Variants in ST8SIA6 observed in about 807,000 individuals in gnomAD.
ST8SIA6 encodes ST8 alpha-N-acetyl-neuraminide alpha-2,8-sialyltransferase 6, also known as alpha-2,8-sialyltransferase 8F.
ST8SIA6 carries 39 observed loss-of-function variants against 33.6 expected under a neutral mutation model. That is an observed-to-expected ratio of 1.16 (90% CI 0.90 to 1.52). The LOEUF (loss-of-function observed/expected upper bound fraction) is 1.52, where lower values mean the gene tolerates loss of function less well. ST8SIA6 is among the 40% of genes most tolerant of loss of function. The pLI, the probability that ST8SIA6 is intolerant of heterozygous loss-of-function variation, is 0.00. For missense variants in ST8SIA6, 441 were observed against 443.8 expected (o/e 0.99, Z 0.06); for synonymous variants, 172 against 167.2 (o/e 1.03, Z -0.22).
chr10:17,388,009 A>G (rs1267076043), intron 3 of ST8SIA6, among the ~76,000 whole-genome samples: 1 of 152,218 alleles, frequency 6.6e-6, no homozygotes, highest in Non-Finnish European at 1.5e-5. Flanking sequence ...CTGGTAAAAC[A>G]TAATTTCTGG....
At chr10:17,381,599 A>G (rs998943152) in intron 3 of ST8SIA6, among the ~76,000 whole-genome samples, 7 of 152,236 alleles carry the variant, frequency 4.6e-5, no homozygotes, top group African/African-American at 1.4e-4. Context: ...AAGTAATATT[A>G]TAAGTGTCTT....
intron 4 of ST8SIA6, among the ~76,000 whole-genome samples, chr10:17,358,998 A>G (rs1849296765): frequency 6.6e-6 from 1 of 152,206 alleles, no homozygotes; most frequent in Non-Finnish European, 1.5e-5. Flanking sequence ...CTACAGCCCT[A>G]TAATGGTCAA....
chr10:17,343,328 T>C (rs899208985), intron 4 of ST8SIA6, among the ~76,000 whole-genome samples: 4 of 152,170 alleles, frequency 2.6e-5, no homozygotes, highest in African/African-American at 9.7e-5. Context: ...GAAAAATCAA[T>C]AGACGGTTGT....
intron 2 of ST8SIA6, among the ~76,000 whole-genome samples, chr10:17,438,563 G>T (rs1264425478): frequency 6.6e-6 from 1 of 151,972 alleles, no homozygotes; most frequent in Non-Finnish European, 1.5e-5. Context: ...ACACATTCAG[G>T]ACTCAAAGAC....
Position 17,318,680 on chromosome 10 carries a change from G to A in ST8SIA6, c.*2198C>T. The A allele has an allele frequency of 2.1e-6, 1 of 471,056 alleles. No individual in the cohort carries two copies. The highest frequency in any genetic ancestry group is 1.6e-5 in the South Asian group (1 of 64,516). The allele number at this position is 471,056 out of a possible 1,614,324, so 29.2% of individuals were successfully genotyped here. On this transcript the variant is annotated 3_prime_UTR_variant, in exon 8 of 8. Transcript: ENST00000377602. The stretch of plus-strand genomic sequence containing the variant: ...GAGTGTCACAGTCAGACTTGGTTGT[G>A]GCGAATCTACAAATCTACAAGATGG...
chr10:17,389,156 G>A (rs1850487630), intron 3 of ST8SIA6, among the ~76,000 whole-genome samples: 1 of 152,028 alleles, frequency 6.6e-6, no homozygotes, highest in South Asian at 2.1e-4. Flanking sequence ...ACTCCCCACT[G>A]CCCAAGCGCC....
intron 2 of ST8SIA6, among the ~76,000 whole-genome samples, chr10:17,393,772 CAGATTCAT>C (rs1470841907): frequency 1.3e-5 from 2 of 152,166 alleles, no homozygotes; most frequent in Non-Finnish European, 2.9e-5. Flanking sequence ...ATAAACAAGA[CAGATTCAT>C]AAGTAATTCT....
intron 4 of ST8SIA6, among the ~76,000 whole-genome samples, chr10:17,355,924 C>T (rs1849175734): frequency 1.3e-5 from 2 of 152,182 alleles, no homozygotes; most frequent in Admixed American, 1.3e-4. Flanking sequence ...CCAAATTGGT[C>T]TCACCCTCCC....
chr10:17,386,232 C>A (rs1037742933), intron 3 of ST8SIA6, among the ~76,000 whole-genome samples: 1 of 151,842 alleles, frequency 6.6e-6, no homozygotes, highest in Non-Finnish European at 1.5e-5. Flanking sequence ...TGGCTCGCAC[C>A]TGTAATCCCA....
intron 2 of ST8SIA6, among the ~76,000 whole-genome samples, chr10:17,450,277 G>A (rs1056270605): frequency 6.6e-6 from 1 of 152,184 alleles, no homozygotes; most frequent in Admixed American, 6.5e-5. Context: ...AGAGCCACAA[G>A]CTGCAGATCT....
chr10:17,452,273 A>G (rs1480422693), intron 2 of ST8SIA6, among the ~76,000 whole-genome samples: 3 of 152,220 alleles, frequency 2.0e-5, no homozygotes, highest in Admixed American at 6.5e-5. Context: ...TCCTCAATTC[A>G]GGGTTTATCC....
intron 4 of ST8SIA6, among the ~76,000 whole-genome samples, chr10:17,347,303 G>T (rs1235626612): frequency 6.6e-6 from 1 of 152,162 alleles, no homozygotes; most frequent in African/African-American, 2.4e-5. Flanking sequence ...TGAGACTTTA[G>T]CAAAAGTTTG....
rs183832552 is a variant in ST8SIA6, at chr10:17,428,166, T to C, written c.200+25393A>G. On this transcript the variant is annotated intron_variant, in intron 2 of 7. Transcript: ENST00000377602. Reference sequence around the variant, plus strand: ...GCCCATTTCTTTAAATGCTATCGCATAAAACCTGGAACATGTATTCCATAG... The same window carrying C: ...GCCCATTTCTTTAAATGCTATCGCACAAAACCTGGAACATGTATTCCATAG... Among the ~76,000 whole-genome samples, 5 of 152,330 alleles carry C rather than the reference T, an allele frequency of 3.3e-5. 1 individual carries two copies. Among genetic ancestry groups the C allele is most frequent in the African/African-American group, 1.2e-4 (5 of 41,572 alleles).
At chr10:17,453,898 C>A (rs1182945288) in intron 1 of ST8SIA6, among the ~76,000 whole-genome samples, 2 of 152,146 alleles carry the variant, frequency 1.3e-5, no homozygotes, top group Non-Finnish European at 2.9e-5. Flanking sequence ...ACAGCTGCCT[C>A]GCCCACAGCG....
intron 2 of ST8SIA6, among the ~76,000 whole-genome samples, chr10:17,400,884 C>G (rs1225844678): frequency 1.3e-5 from 2 of 152,166 alleles, no homozygotes; most frequent in Non-Finnish European, 2.9e-5. Context: ...CAGGGATGCC[C>G]TCCTTCACCA....
intron 2 of ST8SIA6, among the ~76,000 whole-genome samples, chr10:17,435,648 C>A (rs1233309436): frequency 7.9e-6 from 1 of 127,020 alleles, no homozygotes; most frequent in East Asian, 2.4e-4. Context: ...ATTTGGGTGA[C>A]TATTCTCTAT....
chr10:17,433,743 A>G (rs1023251808), intron 2 of ST8SIA6, among the ~76,000 whole-genome samples: 2 of 152,176 alleles, frequency 1.3e-5, no homozygotes, highest in Non-Finnish European at 2.9e-5. Context: ...TACAGACTTC[A>G]TCAGGTCATT....
chr10:17,367,407 G>A (rs1273971522), intron 3 of ST8SIA6, among the ~76,000 whole-genome samples: 2 of 151,982 alleles, frequency 1.3e-5, no homozygotes, highest in African/African-American at 4.8e-5. Flanking sequence ...CCGCCCCCAT[G>A]ATTCAATTAC....
chr10:17,390,458 G>T, intron 3 of ST8SIA6, 73 bp downstream of exon 3: 1 of 1,287,852 alleles, frequency 7.8e-7, no homozygotes, highest in South Asian at 1.3e-5. Context: ...AATGACTTCA[G>T]AGACACTGTC....
Sources: gnomAD v4.1 joint callset for allele counts (sites outside exome capture counted in the v4.1 genomes callset) on GRCh38, gnomAD v4.1.1 for gene constraint, MANE v1.5 for transcripts, NCBI Gene and HGNC (gene_info 2026-07-23, HGNC 2026-07-21) for gene names.